The following LRRC75B variants were observed in gnomAD, a reference collection of about 807,000 sequenced individuals.
The protein encoded by LRRC75B is leucine-rich repeat-containing protein 75B.
LRRC75B carries 20 observed loss-of-function variants against 16.5 expected under a neutral mutation model. That is an observed-to-expected ratio of 1.21 (90% CI 0.85 to 1.76). The LOEUF (loss-of-function observed/expected upper bound fraction) is 1.76, where lower values mean the gene tolerates loss of function less well. Among genes scored for constraint, LRRC75B ranks in the 40% most tolerant of loss-of-function variants. The pLI is 0.00. For synonymous variants in LRRC75B, 199 were observed against 198.1 expected (o/e 1.00, Z -0.04); for missense variants, 406 against 417.0 (o/e 0.97, Z 0.23).
intron 1 of LRRC75B, 136 bp from the exon 2 acceptor site, chr22:24,590,085 C>T (rs2045523689): frequency 8.2e-6 from 9 of 1,103,308 alleles, no homozygotes; most frequent in South Asian, 5.4e-5. Context: ...ATTCTCCCCA[C>T]AGGCGGCCAT....
Position 24,586,162 on chromosome 22 carries a change from A to C in LRRC75B, c.672T>G (p.Thr224=). Reference sequence around the variant, plus strand: ...TGATGGCATCAGTGAGCTTGCGGGCAGTGGCCCGCGTCAGTCGGTTGCCGT... The same window carrying C: ...TGATGGCATCAGTGAGCTTGCGGGCCGTGGCCCGCGTCAGTCGGTTGCCGT... ...LLNGNRLTRA[T]ARKLTDAIKD... is the part of the protein sequence containing the mutation. Residue 224 remains threonine (T), a synonymous_variant, in exon 4 of 4, where the codon ACT becomes ACG. Coordinates refer to ENST00000318753, the MANE Select transcript of LRRC75B (RefSeq NM_207644.3). 1 of 1,613,582 alleles carries C rather than the reference A, an allele frequency of 6.2e-7. No individual in the cohort carries two copies. Among genetic ancestry groups the C allele is most frequent in the Non-Finnish European group, 8.5e-7 (1 of 1,179,978 alleles).
chr22:24,592,307 TTGGAGAAC>T (rs2045593305), intron 1 of LRRC75B: 1 of 469,532 alleles, frequency 2.1e-6, no homozygotes, highest in African/African-American at 2.0e-5. Flanking sequence ...GAGCCGCCTG[TTGGAGAAC>T]TGGTGATGCA....
Position 24,585,716 on chromosome 22 carries a change from G to C in LRRC75B, c.*170C>G. On this transcript the variant is annotated 3_prime_UTR_variant, in exon 4 of 4. Coordinates refer to ENST00000318753, the MANE Select transcript of LRRC75B (RefSeq NM_207644.3). Reference sequence around the variant, plus strand: ...TGAGGGAAGGCTGAGCCTCTAGCCAGGGCTGGCCACCTGGCCACCTATGAG... The same window carrying C: ...TGAGGGAAGGCTGAGCCTCTAGCCACGGCTGGCCACCTGGCCACCTATGAG... 2.6e-6 allele frequency: 2 copies of C among 765,160 alleles called. No individual in the cohort carries two copies. Among genetic ancestry groups the C allele is most frequent in the Non-Finnish European group, 4.1e-6 (2 of 488,974 alleles). The allele number at this position is 765,160 out of a possible 1,614,324, so 47.4% of individuals were successfully genotyped here.
At position 24,585,872 on chromosome 22, in the gene LRRC75B, AGGTGGGT is replaced by A. The variant is rs1569033943; in HGVS notation, c.*7_*13del. 6.4e-7 allele frequency: 1 copy of A among 1,563,778 alleles called. No individual in the cohort carries two copies. Among genetic ancestry groups the A allele is most frequent in the Non-Finnish European group, 8.6e-7 (1 of 1,156,632 alleles). On this transcript the variant is annotated 3_prime_UTR_variant, in exon 4 of 4. Transcript: ENST00000318753. ...CATCACAAGTCAGTAGCAATGAGCC[AGGTGGGT>A]GGTGGGTCACCTGGCACAGCAGGCC... is the stretch of plus-strand genomic sequence containing the variant.
At chr22:24,588,703 G>C in intron 2 of LRRC75B, 1 of 1,084,314 alleles carries the variant, frequency 9.2e-7, no homozygotes, top group Non-Finnish European at 1.1e-6. Flanking sequence ...GCCAGACCAG[G>C]CCCCTCGAGG....
intron 3 of LRRC75B, among the ~76,000 whole-genome samples, chr22:24,587,422 C>A (rs1484231399): frequency 6.6e-6 from 1 of 152,198 alleles, no homozygotes; most frequent in East Asian, 1.9e-4. Context: ...GGGGGACTGA[C>A]AGCAGTGAGC....
At position 24,589,836 on chromosome 22, in the gene LRRC75B, C is replaced by T; in HGVS notation, c.291G>A (p.Leu97=). ...HDLLVNLARD[L]QCPKKDYELW... is the part of the protein sequence containing the mutation. The stretch of plus-strand genomic sequence containing the variant: ...CCAGCCTCACCTTCTTGGGGCACTG[C>T]AGGTCCCGGGCCAGGTTCACAAGCA... The change falls in exon 2 of 4, where the codon CTG becomes CTA. Residue 97 remains leucine (L), a synonymous_variant. Coordinates refer to ENST00000318753, the MANE Select transcript of LRRC75B (RefSeq NM_207644.3). 1 of 1,613,202 alleles carries T rather than the reference C, an allele frequency of 6.2e-7. No individual in the cohort carries two copies. The highest frequency in any genetic ancestry group is 8.5e-7 in the Non-Finnish European group (1 of 1,179,674).
intron 1 of LRRC75B, among the ~76,000 whole-genome samples, chr22:24,591,042 A>G (rs1366388697): frequency 6.6e-6 from 1 of 151,278 alleles, no homozygotes; most frequent in Non-Finnish European, 1.5e-5. Context: ...CCTCCTGTCT[A>G]CTCCCACAGG....
intron 1 of LRRC75B, among the ~76,000 whole-genome samples, chr22:24,591,454 G>A (rs904579726): frequency 6.6e-6 from 1 of 152,180 alleles, no homozygotes; most frequent in Non-Finnish European, 1.5e-5. Context: ...GACCCCATGT[G>A]GGCCTTCTCC....
rs762688466 is a variant in LRRC75B at position 24,585,797 on chromosome 22, G to T, written c.*89C>A. On this transcript the variant is annotated 3_prime_UTR_variant, in exon 4 of 4. Coordinates refer to ENST00000318753, the MANE Select transcript of LRRC75B (RefSeq NM_207644.3). ...GAGCATTTACACTGGATTTCTGGGG[G>T]CCTGTGAGTCCTCCTTGACCTTCAT... 2.4e-6 allele frequency: 3 copies of T among 1,260,064 alleles called. No individual in the cohort carries two copies. The highest frequency in any genetic ancestry group is 2.1e-6 in the Non-Finnish European group (2 of 933,992). The allele number at this position is 1,260,064 out of a possible 1,614,324, so 78.1% of individuals were successfully genotyped here.
At chr22:24,588,158 C>CTG (rs936703579) in intron 3 of LRRC75B, 56 bp downstream of exon 3, 3 of 1,393,788 alleles carry the variant, frequency 2.2e-6, no homozygotes, top group Admixed American at 1.9e-5. Flanking sequence ...AGGTGTCAAC[C>CTG]TGAGAAGGGA....
intron 2 of LRRC75B, chr22:24,589,086 G>A: frequency 9.2e-7 from 1 of 1,091,216 alleles, no homozygotes; most frequent in Non-Finnish European, 1.1e-6. Flanking sequence ...GGGGCCGACT[G>A]TGCAGAGACC....
Position 24,592,891 on chromosome 22 carries a change from G to C in LRRC75B, c.149C>G (p.Ala50Gly). 7.8e-7 allele frequency: 1 copy of C among 1,281,102 alleles called. No homozygotes were observed. Among genetic ancestry groups the C allele is most frequent in the Non-Finnish European group, 9.9e-7 (1 of 1,013,774 alleles). The allele number at this position is 1,281,102 out of a possible 1,614,324, so 79.4% of individuals were successfully genotyped here. The change falls in exon 1 of 4, where the codon GCC becomes GGC. Residue 50 changes from alanine (A) to glycine (G), a missense_variant. Transcript: ENST00000318753. ...GCGCAGGAGGCGCAGCAGCTGCCGG[G>C]CGCGCTCCGGCCGCCGCTCGCGGAG... is the stretch of plus-strand genomic sequence containing the variant. The part of the protein sequence containing the change: ...STLRERRPER[A>G]RQLLRLLRQD...
At chr22:24,591,381 G>C (rs542392788) in intron 1 of LRRC75B, among the ~76,000 whole-genome samples, 35 of 152,360 alleles carry the variant, frequency 2.3e-4, no homozygotes, top group African/African-American at 7.7e-4. Context: ...ATCTGGCCCA[G>C]AGGGTCTCTT....
rs1601591860 is a variant in LRRC75B, at chr22:24,589,174, T to C, written c.306+647A>G. ...GACTCACTGTGACTAGGAGTCTGGG[T>C]CCGGTGGCTGGTCACAGCCACACAT... is the stretch of plus-strand genomic sequence containing the variant. On this transcript the variant is annotated intron_variant, in intron 2 of 3. Transcript: ENST00000318753. 8.5e-6 allele frequency: 10 copies of C among 1,171,746 alleles called. No individual in the cohort carries two copies. The South Asian group carries it at 1.6e-4, about 19-fold the overall frequency. The allele number at this position is 1,171,746 out of a possible 1,614,324, so 72.6% of individuals were successfully genotyped here. A position where few individuals can be genotyped will look rare whatever the true frequency, so the allele number is the denominator to read the frequency against.
chr22:24,588,441 A>G (rs1052590377), intron 2 of LRRC75B, 112 bp from the exon 3 acceptor site: 2 of 850,356 alleles, frequency 2.4e-6, no homozygotes, highest in Non-Finnish European at 3.7e-6. Context: ...GTCATGCACC[A>G]TGCATCACCG....
At chr22:24,586,531 G>A (rs1371522791) in intron 3 of LRRC75B, 120 bp from the exon 4 acceptor site, 24 of 1,073,166 alleles carry the variant, frequency 2.2e-5, no homozygotes, top group African/African-American at 1.6e-4. Context: ...GATTCAAACT[G>A]TGTCTTTCGT....
intron 2 of LRRC75B, chr22:24,589,347 A>G: frequency 1.7e-6 from 2 of 1,143,118 alleles, no homozygotes; most frequent in South Asian, 3.6e-5. Flanking sequence ...GTTGTAGGGG[A>G]AAGCAGTGAG....
chr22:24,588,193 C>G (rs754157003), intron 3 of LRRC75B, 21 bp downstream of exon 3: 33 of 1,567,668 alleles, frequency 2.1e-5, no homozygotes, highest in Non-Finnish European at 2.7e-5. Flanking sequence ...TGAGGAGGGG[C>G]AGTGGCTGGG....
Sources: allele counts gnomAD v4.1 joint callset (sites outside exome capture counted in the v4.1 genomes callset), GRCh38; gene constraint gnomAD v4.1.1; transcripts MANE v1.5; gene names NCBI Gene and HGNC (gene_info 2026-07-23, HGNC 2026-07-21).